CAST: variants seen among roughly 807,000 people sequenced by gnomAD.
The protein encoded by CAST is calpastatin, also known as MIR583 host.
In CAST, 76 loss-of-function variants were observed where a neutral mutation model predicts 119.6. The ratio of observed to expected loss-of-function variants is 0.64; its 90% CI spans 0.53 to 0.77. CAST has a LOEUF of 0.77. CAST is among the 30% of genes least tolerant of loss of function. The pLI, the probability that CAST is intolerant of heterozygous loss-of-function variation, is 0.00. For missense variants in CAST, 953 were observed against 946.5 expected (o/e 1.01, Z -0.09); for synonymous variants, 319 against 331.6 (o/e 0.96, Z 0.41).
chr5:96,433,133 C>T, the CAST span: 1 of 1,251,572 alleles, frequency 8.0e-7, no homozygotes, highest in Non-Finnish European at 1.2e-6. Flanking sequence ...CCTTCCCACC[C>T]TCGGGCTCTA....
chr5:96,280,567 C>T, the CAST span, among the ~76,000 whole-genome samples: 3 of 152,236 alleles, frequency 2.0e-5, no homozygotes, highest in Non-Finnish European at 2.9e-5. Flanking sequence ...CTGACACCAA[C>T]ATGACTTTGG....
the CAST span, among the ~76,000 whole-genome samples, chr5:96,082,103 G>A: frequency 2.6e-5 from 4 of 152,180 alleles, no homozygotes; most frequent in African/African-American, 7.2e-5. Flanking sequence ...TAGTAGAGAC[G>A]GGGTTTCACC....
chr5:96,547,581 C>T (rs910736795), intron 1 of CAST, among the ~76,000 whole-genome samples: 2 of 152,112 alleles, frequency 1.3e-5, no homozygotes, highest in African/African-American at 4.8e-5. Context: ...CTGGAAACAC[C>T]CTCACAGACA....
At chr5:95,976,394 G>A in the CAST span, among the ~76,000 whole-genome samples, 1 of 151,980 alleles carries the variant, frequency 6.6e-6, no homozygotes, top group African/African-American at 2.4e-5. Context: ...TTCATATTCA[G>A]ACAAAGTTCT....
the CAST span, among the ~76,000 whole-genome samples, chr5:96,108,963 T>G: frequency 6.6e-6 from 1 of 152,264 alleles, no homozygotes; most frequent in Non-Finnish European, 1.5e-5. Flanking sequence ...AAGCGCAGTA[T>G]TTGGGTGGGA....
At chr5:96,107,923 C>G in the CAST span, among the ~76,000 whole-genome samples, 3 of 152,022 alleles carry the variant, frequency 2.0e-5, no homozygotes, top group African/African-American at 7.2e-5. Flanking sequence ...TTGTTCATTT[C>G]TTTTTATTCT....
chr5:96,172,015 G>A, the CAST span, among the ~76,000 whole-genome samples: 9 of 152,114 alleles, frequency 5.9e-5, no homozygotes, highest in East Asian at 1.7e-3. Context: ...CAGGCTTTGT[G>A]TGAGCAATAA....
the CAST span, among the ~76,000 whole-genome samples, chr5:96,209,827 A>G: frequency 6.6e-6 from 1 of 151,786 alleles, no homozygotes; most frequent in Non-Finnish European, 1.5e-5. Context: ...TGTCTTGTAC[A>G]GTATCTCACA....
chr5:96,220,094 T>C, the CAST span, among the ~76,000 whole-genome samples: 554 of 152,296 alleles, frequency 3.6e-3, no homozygotes, highest in Admixed American at 6.1e-3. Context: ...CCTGCCTCTT[T>C]GTTGCTATGG....
At chr5:96,663,877 G>A (rs1748939453) in intron 1 of CAST, among the ~76,000 whole-genome samples, 1 of 150,930 alleles carries the variant, frequency 6.6e-6, no homozygotes, top group African/African-American at 2.4e-5. Context: ...GTAATATCCA[G>A]TCAAGCTGGC....
the CAST span, among the ~76,000 whole-genome samples, chr5:96,105,443 G>T: frequency 6.6e-6 from 1 of 152,192 alleles, no homozygotes; most frequent in Non-Finnish European, 1.5e-5. Flanking sequence ...TTTTTAGCAT[G>T]AAGGTTGTTC....
At chr5:96,179,692 A>C in the CAST span, among the ~76,000 whole-genome samples, 2 of 152,250 alleles carry the variant, frequency 1.3e-5, no homozygotes, top group Admixed American at 6.5e-5. Flanking sequence ...GAGCATGTGC[A>C]GGAGCACGAG....
chr5:96,175,719 G>A, the CAST span, among the ~76,000 whole-genome samples: 1 of 152,216 alleles, frequency 6.6e-6, no homozygotes, highest in South Asian at 2.1e-4. Flanking sequence ...TGGATGCCAT[G>A]CATGTTTTTG....
At chr5:96,659,568 G>A (rs913757026), upstream of CAST, among the ~76,000 whole-genome samples, 7 of 151,996 alleles carry the variant, frequency 4.6e-5, no homozygotes, top group Admixed American at 6.5e-5. Context: ...TCACTCTGTC[G>A]CCCAGGCTGG....
intron 1 of CAST, among the ~76,000 whole-genome samples, chr5:96,656,509 C>T (rs1213387138): frequency 4.6e-5 from 7 of 152,172 alleles, no homozygotes; most frequent in African/African-American, 1.2e-4. Flanking sequence ...TCTTCCTGTG[C>T]GGGCTGACTT....
intron 24 of CAST, among the ~76,000 whole-genome samples, chr5:96,758,848 G>A (rs1282892172): frequency 5.3e-5 from 8 of 152,156 alleles, no homozygotes; most frequent in African/African-American, 1.9e-4. Context: ...CATAAGACAT[G>A]GGGAAGAATA....
At chr5:96,482,244 A>T in the CAST span, among the ~76,000 whole-genome samples, 1 of 152,116 alleles carries the variant, frequency 6.6e-6, no homozygotes, top group Non-Finnish European at 1.5e-5. Flanking sequence ...AAGAAGAAAA[A>T]GACAATGAGA....
chr5:96,719,670 A>G (rs1467679028), intron 3 of CAST, among the ~76,000 whole-genome samples: 1 of 152,210 alleles, frequency 6.6e-6, no homozygotes, highest in Admixed American at 6.5e-5. Context: ...TCTGATTTAC[A>G]GTATTAATTC....
In CAST at chr5:96,695,861, G is replaced by A; in HGVS notation, c.164G>A (p.Ser55Asn). The part of the protein sequence containing the change: ...DEKKAASLGS[S>N]QSSRTYAGGT... ...AAAAAAGCAGCAAGCCTCGGCAGCA[G>A]TCAATCCTCCAGAACCTATGCTGGT... is the stretch of plus-strand genomic sequence containing the variant. Residue 55 changes from serine (S) to asparagine (N), a missense_variant, in exon 3 of 32, where the codon AGT becomes AAT. By Grantham distance (46) the Ser-to-Asn change is conservative. Transcript: ENST00000675179. The A allele has an allele frequency of 6.2e-7, 1 of 1,613,228 alleles. No individual in the cohort carries two copies. Among genetic ancestry groups the A allele is most frequent in the Non-Finnish European group, 8.5e-7 (1 of 1,179,432 alleles).
Sources: gnomAD v4.1 joint callset for allele counts (sites outside exome capture counted in the v4.1 genomes callset) on GRCh38, gnomAD v4.1.1 for gene constraint, MANE v1.5 for transcripts, NCBI Gene and HGNC (gene_info 2026-07-23, HGNC 2026-07-21) for gene names.